The following GRAMD1C variants were observed in gnomAD, a reference collection of about 807,000 sequenced individuals.
GRAMD1C encodes protein Aster-C.
A neutral mutation model predicts 97.8 loss-of-function variants in GRAMD1C; 89 were observed. The observed-to-expected ratio is 0.91, with a 90% CI of 0.77 to 1.09. The LOEUF (loss-of-function observed/expected upper bound fraction) is 1.09, where lower values mean the gene tolerates loss of function less well. Among genes scored for constraint, GRAMD1C ranks in the 50% least tolerant of loss-of-function variants. The pLI is 0.00. For synonymous variants in GRAMD1C, 256 were observed against 267.0 expected, an observed-to-expected ratio of 0.96 and a Z score of 0.40; for missense variants, 740 against 766.4, an observed-to-expected ratio of 0.97 and a Z score of 0.41.
intron 10 of GRAMD1C, among the ~76,000 whole-genome samples, chr3:113,924,967 A>G (rs76244526): frequency 2.6e-5 from 4 of 152,288 alleles, no homozygotes; most frequent in African/African-American, 9.6e-5. Flanking sequence ...TTGATTGCAT[A>G]TATACTTGGG....
At chr3:113,908,137 G>A (rs1039663183) in intron 8 of GRAMD1C, among the ~76,000 whole-genome samples, 19 of 152,114 alleles carry the variant, frequency 1.2e-4, no homozygotes, top group African/African-American at 3.9e-4. Flanking sequence ...CATGGGACAG[G>A]AAGTAAAGTG....
chr3:113,891,630 C>T (rs868455842), intron 6 of GRAMD1C, among the ~76,000 whole-genome samples: 2 of 151,730 alleles, frequency 1.3e-5, no homozygotes, highest in Non-Finnish European at 2.9e-5. Context: ...CTTGTAATCC[C>T]AGCACTTCTG....
At chr3:113,850,545 G>A in intron 2 of GRAMD1C, 1 of 1,598,754 alleles carries the variant, frequency 6.3e-7, no homozygotes. Flanking sequence ...ATGTCTCCAG[G>A]CAAACTGTTC....
intron 1 of GRAMD1C, among the ~76,000 whole-genome samples, chr3:113,831,123 T>A (rs1709551979): frequency 6.6e-6 from 1 of 152,136 alleles, no homozygotes; most frequent in Admixed American, 6.6e-5. Context: ...ACTGAGTCAA[T>A]ACTATAATGT....
chr3:113,850,788 T>A, intron 2 of GRAMD1C: 1 of 800,732 alleles, frequency 1.2e-6, no homozygotes, highest in Non-Finnish European at 1.8e-6. Flanking sequence ...AATTTTTTTT[T>A]TATTTTTATT....
chr3:113,930,330 G>T (rs1050017597), intron 10 of GRAMD1C, among the ~76,000 whole-genome samples: 3 of 152,096 alleles, frequency 2.0e-5, no homozygotes, highest in Non-Finnish European at 2.9e-5. Flanking sequence ...TTAAAGTTTT[G>T]TCCTCAGTGA....
At chr3:113,868,632 T>G in intron 2 of GRAMD1C, among the ~76,000 whole-genome samples, 1 of 152,284 alleles carries the variant, frequency 6.6e-6, no homozygotes, top group Non-Finnish European at 1.5e-5. Context: ...CTTAAATCCA[T>G]AGAGCCAGTA....
At chr3:113,916,909 G>A (rs1936833743) in intron 10 of GRAMD1C, among the ~76,000 whole-genome samples, 1 of 152,132 alleles carries the variant, frequency 6.6e-6, no homozygotes, top group Non-Finnish European at 1.5e-5. Context: ...AGCACTTTGG[G>A]AGGTTGAGGT....
At chr3:113,897,909 A>G (rs984062613) in intron 6 of GRAMD1C, 1 of 201,246 alleles carries the variant, frequency 5.0e-6, no homozygotes, top group Non-Finnish European at 8.9e-6. Context: ...TATGAATATC[A>G]GGCTGGGCAT....
chr3:113,886,954 G>C (rs972012937), intron 6 of GRAMD1C, among the ~76,000 whole-genome samples: 1 of 150,818 alleles, frequency 6.6e-6, no homozygotes, highest in African/African-American at 2.4e-5. Context: ...GCTAATTTTT[G>C]TATTTTTAGT....
intron 1 of GRAMD1C, among the ~76,000 whole-genome samples, chr3:113,830,310 C>G (rs552295722): frequency 6.6e-6 from 1 of 152,294 alleles, no homozygotes; most frequent in Admixed American, 6.5e-5. Flanking sequence ...GTTGAACATG[C>G]CTGGCATCCA....
At chr3:113,905,906 AG>A (rs1936354040) in intron 8 of GRAMD1C, among the ~76,000 whole-genome samples, 1 of 152,306 alleles carries the variant, frequency 6.6e-6, no homozygotes, top group East Asian at 1.9e-4. Context: ...CATGTTGGCC[AG>A]GCTGGTCTCG....
At chr3:113,841,472 T>C (rs1215169039) in intron 1 of GRAMD1C, among the ~76,000 whole-genome samples, 2 of 151,570 alleles carry the variant, frequency 1.3e-5, no homozygotes, top group African/African-American at 4.9e-5. Flanking sequence ...TTTGTTTTAG[T>C]TGAGATGGGG....
In GRAMD1C at chr3:113,843,054, T is replaced by G. The variant is rs1474852780; in HGVS notation, c.28-1449T>G. ...ATCCTGGTCCACCATAAGCTGTTTT[T>G]TTTTTTTTTTTTTTTTTTTTTGTTC... On this transcript the variant is annotated intron_variant, in intron 1 of 17. Coordinates refer to ENST00000358160, the MANE Select transcript of GRAMD1C (RefSeq NM_017577.5). Among the ~76,000 whole-genome samples, 46 of 139,822 alleles carry G rather than the reference T, an allele frequency of 3.3e-4. 1 individual carries two copies. Among genetic ancestry groups the G allele is most frequent in the Non-Finnish European group, 6.8e-4 (44 of 64,368 alleles). 91.7% of individuals were successfully genotyped at this position (139,822 alleles called of 152,430 possible). A position where few individuals can be genotyped will look rare whatever the true frequency, so the allele number is the denominator to read the frequency against.
chr3:113,881,412 C>T (rs1935256855), intron 5 of GRAMD1C, among the ~76,000 whole-genome samples: 1 of 152,248 alleles, frequency 6.6e-6, no homozygotes, highest in Non-Finnish European at 1.5e-5. Context: ...CCCATCTCGG[C>T]CTCCCGAAAT....
chr3:113,889,521 C>T (rs760879472), intron 6 of GRAMD1C, among the ~76,000 whole-genome samples: 12 of 152,074 alleles, frequency 7.9e-5, no homozygotes, highest in African/African-American at 1.7e-4. Context: ...ATGTGAAAAC[C>T]GCCTGAATTG....
At position 113,876,201 on chromosome 3, in the gene GRAMD1C, A is replaced by G. The variant is rs1245007192; in HGVS notation, c.400A>G (p.Lys134Glu). The change falls in exon 5 of 18, where the codon AAG becomes GAG. Residue 134 changes from lysine to glutamate, a missense_variant. Physicochemically the swap from Lys to Glu is moderately conservative, Grantham distance 56 (BLOSUM62 1). Coordinates refer to ENST00000358160, the MANE Select transcript of GRAMD1C (RefSeq NM_017577.5). ...TTTAAAGAATATAACCTTCATGACC[A>G]AGGAAAAAACTGCTCGACTCATCCC... ...IALKNITFMT[K>E]EKTARLIPNA... 7 of 1,600,376 alleles carry G rather than the reference A, an allele frequency of 4.4e-6. No individual in the cohort carries two copies. Among genetic ancestry groups the G allele is most frequent in the South Asian group, 1.1e-5 (1 of 90,296 alleles).
rs1484907451 is a variant in GRAMD1C, at chr3:113,882,768, T to G, written c.476T>G (p.Phe159Cys). Residue 159 changes from phenylalanine to cysteine, a missense_variant, in exon 6 of 18, where the codon TTT becomes TGT. Coordinates refer to ENST00000358160, the MANE Select transcript of GRAMD1C (RefSeq NM_017577.5). ...TESEKFFFTS[F>C]GARDRSYLSI... is the part of the protein sequence containing the mutation. ...TCTTTGCAGTTTTTCTTCACATCTT[T>G]TGGTGCCAGGGATAGAAGTTACCTC... The G allele has an allele frequency of 6.3e-7, 1 of 1,587,552 alleles. No individual in the cohort carries two copies. The highest frequency in any genetic ancestry group is 1.1e-5 in the South Asian group (1 of 90,494).
At chr3:113,904,333 A>G (rs1305371476) in intron 8 of GRAMD1C, 61 bp downstream of exon 8, 17 of 1,123,280 alleles carry the variant, frequency 1.5e-5, no homozygotes, top group Non-Finnish European at 2.3e-5. Flanking sequence ...ATCAGAATAC[A>G]AGATAAATAA....
Sources: allele counts gnomAD v4.1 joint callset (sites outside exome capture counted in the v4.1 genomes callset), GRCh38; gene constraint gnomAD v4.1.1; transcripts MANE v1.5; gene names NCBI Gene and HGNC (gene_info 2026-07-23, HGNC 2026-07-21).